Variants in PDE1C observed in about 807,000 individuals in gnomAD.
PDE1C encodes the protein dual specificity calcium/calmodulin-dependent 3',5'-cyclic nucleotide phosphodiesterase 1C.
PDE1C carries 62 observed loss-of-function variants against 93.1 expected under a neutral mutation model. The observed-to-expected ratio is 0.67, with a 90% CI of 0.54 to 0.82. The LOEUF is 0.82. PDE1C is among the 40% of genes least tolerant of loss of function. The pLI, the probability that PDE1C is intolerant of heterozygous loss-of-function variation, is 0.00. For synonymous variants in PDE1C, 325 were observed against 310.1 expected, an observed-to-expected ratio of 1.05 and a Z score of -0.50; for missense variants, 742 against 884.6, an observed-to-expected ratio of 0.84 and a Z score of 2.04.
downstream of PDE1C, among the ~76,000 whole-genome samples, chr7:31,748,887 A>C (rs568561654): frequency 5.9e-5 from 9 of 152,348 alleles, no homozygotes; most frequent in African/African-American, 2.2e-4. Flanking sequence ...TAAATTGAAA[A>C]TGGATCAAAG....
intron 1 of PDE1C, among the ~76,000 whole-genome samples, chr7:32,348,810 G>A (rs1783902970): frequency 1.3e-5 from 2 of 152,138 alleles, no homozygotes; most frequent in South Asian, 4.1e-4. Flanking sequence ...AACTTTGCAT[G>A]GTCACTCTAA....
At chr7:31,889,886 A>T (rs1798409096) in intron 2 of PDE1C, among the ~76,000 whole-genome samples, 1 of 152,206 alleles carries the variant, frequency 6.6e-6, no homozygotes, top group Non-Finnish European at 1.5e-5. Flanking sequence ...GCTCCCTAAC[A>T]GTCATTCTTG....
At chr7:31,751,026 A>C (rs2128591406), downstream of PDE1C, among the ~76,000 whole-genome samples, 1 of 152,366 alleles carries the variant, frequency 6.6e-6, no homozygotes, top group South Asian at 2.1e-4. Context: ...AGGTTAAAAA[A>C]TGAACTACCA....
chr7:31,700,324 C>T, the PDE1C span, among the ~76,000 whole-genome samples: 1 of 152,296 alleles, frequency 6.6e-6, no homozygotes, highest in South Asian at 2.1e-4. Context: ...TTACACCAGC[C>T]ATAACCCTTC....
the PDE1C span, among the ~76,000 whole-genome samples, chr7:31,654,009 C>T: frequency 5.1e-5 from 7 of 137,088 alleles, no homozygotes; most frequent in Admixed American, 5.6e-4. Context: ...ATAAATAAGA[C>T]AGATGGACTT....
intron 1 of PDE1C, among the ~76,000 whole-genome samples, chr7:32,315,983 G>T (rs142563937): frequency 6.6e-6 from 1 of 152,074 alleles, no homozygotes; most frequent in Non-Finnish European, 1.5e-5. Context: ...CAACAAGAGC[G>T]AAAACTCCAT....
intron 1 of PDE1C, among the ~76,000 whole-genome samples, chr7:32,387,594 T>C (rs1417059525): frequency 2.8e-5 from 4 of 142,118 alleles, no homozygotes; most frequent in African/African-American, 5.4e-5. Flanking sequence ...GAGGCGCCCC[T>C]CACCTCCCGG....
chr7:32,179,793 G>GTGAC (rs1274111786), intron 2 of PDE1C, among the ~76,000 whole-genome samples: 1 of 152,176 alleles, frequency 6.6e-6, no homozygotes, highest in Non-Finnish European at 1.5e-5. Flanking sequence ...AATCTGACAA[G>GTGAC]TGACTCATCA....
chr7:32,243,478 A>G (rs17161071), intron 1 of PDE1C, among the ~76,000 whole-genome samples: 15,999 of 152,246 alleles, frequency 0.11, 904 homozygotes, highest in East Asian at 0.13. Flanking sequence ...CAACCCACCT[A>G]TCATAGGACT....
In PDE1C at chr7:31,822,204, A is replaced by G. The variant is rs545940163; in HGVS notation, c.1582+869T>C. ...ACCTGGCACACAGTAGGCATGCAAT[A>G]GATGTTAGCAAAAACCGACTCTTGT... On this transcript the variant is annotated intron_variant, in intron 14 of 17. Transcript: ENST00000396191. 9.9e-5 allele frequency among the ~76,000 whole-genome samples: 15 copies of G among 152,128 alleles called. No individual in the cohort carries two copies. In the South Asian group the frequency reaches 2.3e-3, roughly 23 times the overall value.
intron 1 of PDE1C, among the ~76,000 whole-genome samples, chr7:32,308,914 G>C (rs1813093163): frequency 1.3e-5 from 2 of 151,790 alleles, no homozygotes; most frequent in African/African-American, 4.8e-5. Flanking sequence ...ACTTTGACGA[G>C]TTGAGAGAAG....
chr7:32,008,852 C>T (rs896860332), intron 2 of PDE1C, among the ~76,000 whole-genome samples: 2 of 151,782 alleles, frequency 1.3e-5, no homozygotes, highest in Non-Finnish European at 2.9e-5. Context: ...GATTAAGTTA[C>T]AAAAGTTTGT....
At chr7:32,341,173 C>CTATTTTTTATTTTTTATTTTTTTTT (rs796122014) in intron 1 of PDE1C, among the ~76,000 whole-genome samples, 1 of 84,952 alleles carries the variant, frequency 1.2e-5, no homozygotes, top group African/African-American at 4.3e-5. Context: ...GAAATAAAGT[C>CTATTTTTTATTTTTTATTTTTTTTT]TTTTTTTTTT....
chr7:31,829,123 T>C (rs116922063), intron 11 of PDE1C, among the ~76,000 whole-genome samples: 330 of 152,262 alleles, frequency 2.2e-3, no homozygotes, highest in Admixed American at 3.4e-3. Flanking sequence ...ACCCTTCTTA[T>C]AGTAGTGAAG....
intron 3 of PDE1C, among the ~76,000 whole-genome samples, chr7:32,138,890 T>C (rs1235246566): frequency 6.6e-6 from 1 of 152,204 alleles, no homozygotes; most frequent in East Asian, 1.9e-4. Context: ...CCTCAGAATT[T>C]TTTAATTTGA....
chr7:31,707,367 C>G, the PDE1C span: 1 of 1,187,992 alleles, frequency 8.4e-7, no homozygotes, highest in Non-Finnish European at 1.2e-6. Flanking sequence ...TGTTTCTGCT[C>G]TCATTTTTGT....
chr7:32,146,728 G>A (rs984102875), intron 3 of PDE1C, among the ~76,000 whole-genome samples: 1 of 152,110 alleles, frequency 6.6e-6, no homozygotes, highest in African/African-American at 2.4e-5. Context: ...TATATTAACA[G>A]ATACTGATCA....
chr7:31,791,292 T>C (rs1407956740), intron 16 of PDE1C, among the ~76,000 whole-genome samples: 1 of 152,160 alleles, frequency 6.6e-6, no homozygotes, highest in African/African-American at 2.4e-5. Flanking sequence ...TTGTTCATTA[T>C]GTTTACCCTC....
At chr7:31,721,381 CACTA>C in the PDE1C span, among the ~76,000 whole-genome samples, 6 of 152,214 alleles carry the variant, frequency 3.9e-5, no homozygotes, top group African/African-American at 9.7e-5. Context: ...CTAACTACCA[CACTA>C]ACTACTTGAG....
Sources: gnomAD v4.1 joint callset for allele counts (sites outside exome capture counted in the v4.1 genomes callset) on GRCh38, gnomAD v4.1.1 for gene constraint, MANE v1.5 for transcripts, NCBI Gene and HGNC (gene_info 2026-07-23, HGNC 2026-07-21) for gene names.